The following SPAG16 variants were observed in gnomAD, a reference collection of about 807,000 sequenced individuals.
The protein encoded by SPAG16 is sperm associated antigen 16.
A neutral mutation model predicts 80.4 loss-of-function variants in SPAG16; 86 were observed. The ratio of observed to expected loss-of-function variants is 1.07; its 90% CI spans 0.90 to 1.28. SPAG16 has a LOEUF of 1.28. Among genes scored for constraint, SPAG16 ranks in the 50% most tolerant of loss-of-function variants. SPAG16 has a pLI of 0.00. For missense variants in SPAG16, 870 were observed against 765.3 expected (o/e 1.14, Z -1.61); for synonymous variants, 294 against 265.9 (o/e 1.11, Z -1.03).
intron 1 of SPAG16, among the ~76,000 whole-genome samples, chr2:213,292,663 C>CAAAAAAAAAAAAA (rs1248465249): frequency 3.9e-5 from 3 of 76,392 alleles, no homozygotes; most frequent in African/African-American, 1.4e-4. Context: ...GACTCCGTCT[C>CAAAAAAAAAAAAA]AAAAAAAAAA....
At chr2:214,103,617 C>T (rs1335903470) in intron 13 of SPAG16, among the ~76,000 whole-genome samples, 5 of 152,076 alleles carry the variant, frequency 3.3e-5, no homozygotes, top group Non-Finnish European at 7.4e-5. Context: ...AGCACAAAGG[C>T]GGGAGCATTC....
chr2:213,644,463 T>C (rs1245060265), intron 10 of SPAG16, among the ~76,000 whole-genome samples: 2 of 152,198 alleles, frequency 1.3e-5, no homozygotes, highest in Non-Finnish European at 2.9e-5. Context: ...GTCCTCACTG[T>C]CTGGGCTTAG....
At chr2:213,672,553 C>A (rs1269000757) in intron 10 of SPAG16, among the ~76,000 whole-genome samples, 2 of 152,086 alleles carry the variant, frequency 1.3e-5, no homozygotes, top group Non-Finnish European at 2.9e-5. Flanking sequence ...TTACTGACTG[C>A]CTACTGCTGT....
chr2:213,426,684 T>C (rs2125459796), intron 9 of SPAG16, among the ~76,000 whole-genome samples: 1 of 152,074 alleles, frequency 6.6e-6, no homozygotes, highest in African/African-American at 2.4e-5. Context: ...TCTCCTATAC[T>C]ACCATCATCT....
rs1186222535 is a variant in SPAG16 at position 213,297,318 on chromosome 2, T to G, written c.240T>G (p.Ile80Met). 6.2e-7 allele frequency: 1 copy of G among 1,612,910 alleles called. No individual in the cohort carries two copies. Among genetic ancestry groups the G allele is most frequent in the Non-Finnish European group, 8.5e-7 (1 of 1,179,294 alleles). ...GTGAAGAAGATCTGGCAAAAGCAAT[T>G]CAGATGGCCCAAGAACAGGCTACAG... is the stretch of plus-strand genomic sequence containing the variant. ...PEGEEDLAKA[I>M]QMAQEQATDT... The change falls in exon 3 of 16, where the codon ATT becomes ATG. Residue 80 changes from isoleucine to methionine, a missense_variant. Transcript: ENST00000331683.
At chr2:213,901,918 G>T (rs924707261) in intron 11 of SPAG16, among the ~76,000 whole-genome samples, 2 of 152,110 alleles carry the variant, frequency 1.3e-5, no homozygotes, top group African/African-American at 4.8e-5. Flanking sequence ...TGAACACAGG[G>T]TGAGAAACAG....
At chr2:213,574,058 A>G (rs2126017472) in intron 10 of SPAG16, among the ~76,000 whole-genome samples, 1 of 152,308 alleles carries the variant, frequency 6.6e-6, no homozygotes. Flanking sequence ...TTGAGAAAAA[A>G]AGAAATAAAT....
chr2:214,234,113 C>T (rs978347957), intron 15 of SPAG16, among the ~76,000 whole-genome samples: 2 of 152,090 alleles, frequency 1.3e-5, no homozygotes, highest in Non-Finnish European at 2.9e-5. Flanking sequence ...TATTGAGCTC[C>T]CACTTATAAG....
chr2:214,161,409 A>C (rs960987904), intron 15 of SPAG16, among the ~76,000 whole-genome samples: 2 of 152,150 alleles, frequency 1.3e-5, no homozygotes, highest in African/African-American at 4.8e-5. Context: ...ACTTATTTAC[A>C]TTCCCACCAA....
chr2:213,651,384 T>G (rs897291299), intron 10 of SPAG16, among the ~76,000 whole-genome samples: 1 of 152,144 alleles, frequency 6.6e-6, no homozygotes, highest in Non-Finnish European at 1.5e-5. Context: ...CTGGAGCACA[T>G]GTTCATTCTA....
At chr2:214,041,490 G>GT (rs1170581884) in intron 13 of SPAG16, among the ~76,000 whole-genome samples, 1 of 149,340 alleles carries the variant, frequency 6.7e-6, no homozygotes, top group Non-Finnish European at 1.5e-5. Context: ...AATGTCCTAT[G>GT]TAGTCAGTGT....
intron 15 of SPAG16, among the ~76,000 whole-genome samples, chr2:214,257,065 C>A (rs1690743249): frequency 6.6e-6 from 1 of 151,730 alleles, no homozygotes; most frequent in Non-Finnish European, 1.5e-5. Flanking sequence ...ATTTAGTGTT[C>A]TTTAATTTCT....
chr2:213,978,514 C>G (rs138481950), intron 12 of SPAG16, among the ~76,000 whole-genome samples: 1 of 152,072 alleles, frequency 6.6e-6, no homozygotes, highest in South Asian at 2.1e-4. Context: ...CAAAATGATT[C>G]CACATATTAG....
At chr2:213,306,225 T>TA (rs1234745813) in intron 3 of SPAG16, among the ~76,000 whole-genome samples, 1 of 151,092 alleles carries the variant, frequency 6.6e-6, no homozygotes, top group East Asian at 2.0e-4. Flanking sequence ...GAGTCTACTT[T>TA]AAAAAAATTT....
At chr2:214,341,074 T>C (rs187502935) in intron 15 of SPAG16, among the ~76,000 whole-genome samples, 1 of 152,302 alleles carries the variant, frequency 6.6e-6, no homozygotes, top group East Asian at 1.9e-4. Flanking sequence ...AATACACTGG[T>C]GTCCCCCAAA....
At chr2:213,346,401 A>G (rs189781780) in intron 6 of SPAG16, among the ~76,000 whole-genome samples, 2 of 152,330 alleles carry the variant, frequency 1.3e-5, no homozygotes, top group East Asian at 3.9e-4. Flanking sequence ...TGCCCTGGCC[A>G]GAACTTCCAA....
In SPAG16 at chr2:213,833,577, AATATATATATT is replaced by A; in HGVS notation, c.1071-28897_1071-28887del. ...TATATAATATATATAATATATATAT[AATATATATATT>A]ATATATATATAAAATCTCCTTGACC... is the stretch of plus-strand genomic sequence containing the variant. On this transcript the variant is annotated intron_variant, in intron 10 of 15. Coordinates refer to ENST00000331683, the MANE Select transcript of SPAG16 (RefSeq NM_024532.5). 3.0e-4 allele frequency among the ~76,000 whole-genome samples: 2 copies of A among 6,562 alleles called. 1 individual carries two copies. Among genetic ancestry groups the A allele is most frequent in the African/African-American group, 6.9e-4 (2 of 2,912 alleles). 4.3% of individuals were successfully genotyped at this position (6,562 alleles called of 152,430 possible).
intron 15 of SPAG16, among the ~76,000 whole-genome samples, chr2:214,203,119 C>A (rs1212932073): frequency 2.0e-5 from 3 of 152,068 alleles, no homozygotes; most frequent in African/African-American, 7.2e-5. Context: ...ATACAGTCTT[C>A]ATTTTTCTAT....
chr2:214,140,114 T>A (rs777424348), intron 14 of SPAG16, among the ~76,000 whole-genome samples: 4 of 152,186 alleles, frequency 2.6e-5, no homozygotes, highest in Non-Finnish European at 5.9e-5. Context: ...TTTACAAGAT[T>A]TCTGAGACTG....
Sources: gnomAD v4.1 joint callset for allele counts (sites outside exome capture counted in the v4.1 genomes callset) on GRCh38, gnomAD v4.1.1 for gene constraint, MANE v1.5 for transcripts, NCBI Gene and HGNC (gene_info 2026-07-23, HGNC 2026-07-21) for gene names.